ANKRD30B: variants seen among roughly 807,000 people sequenced by gnomAD.
The protein encoded by ANKRD30B is ankyrin repeat domain-containing protein 30B.
Under a neutral mutation model 202.2 loss-of-function variants are expected in ANKRD30B, and 144 were observed. That is an observed-to-expected ratio of 0.71 (90% CI 0.62 to 0.82). The LOEUF is 0.82. ANKRD30B is among the 40% of genes least tolerant of loss of function. The pLI is 0.00. For synonymous variants in ANKRD30B, 508 were observed against 561.3 expected, an observed-to-expected ratio of 0.91 and a Z score of 1.34; for missense variants, 1,487 against 1,669.1, an observed-to-expected ratio of 0.89 and a Z score of 1.90.
chr18:14,835,886 C>A (rs962290948), intron 34 of ANKRD30B, among the ~76,000 whole-genome samples: 2 of 151,828 alleles, frequency 1.3e-5, no homozygotes, highest in African/African-American at 4.8e-5. Context: ...GGTCATTTTG[C>A]AGAATCTTGT....
intron 7 of ANKRD30B, among the ~76,000 whole-genome samples, chr18:14,766,525 G>T (rs1450479332): frequency 9.7e-6 from 1 of 102,940 alleles, no homozygotes; most frequent in Non-Finnish European, 2.3e-5. Context: ...AAAGAAAATT[G>T]TCAGGTCAGC....
intron 35 of ANKRD30B, 54 bp downstream of exon 35, chr18:14,837,343 A>G (rs1384805214): frequency 1.4e-6 from 2 of 1,423,064 alleles, no homozygotes; most frequent in African/African-American, 1.4e-5. Context: ...AAATTAGTGA[A>G]TATCTCTGAA....
intron 16 of ANKRD30B, among the ~76,000 whole-genome samples, 197 bp downstream of exon 16, chr18:14,791,688 G>T (rs1176395594): frequency 6.6e-6 from 1 of 152,118 alleles, no homozygotes; most frequent in Non-Finnish European, 1.5e-5. Context: ...AAAAGGAACT[G>T]AATTATTAGT....
intron 22 of ANKRD30B, among the ~76,000 whole-genome samples, chr18:14,799,744 AGTGTGT>A (rs58820145): frequency 6.7e-6 from 1 of 150,328 alleles, no homozygotes; most frequent in African/African-American, 2.4e-5. Flanking sequence ...TAGGTGACTG[AGTGTGT>A]GTGTGTGTGT....
chr18:14,861,877 A>T, the ANKRD30B span, among the ~76,000 whole-genome samples: 12 of 152,228 alleles, frequency 7.9e-5, no homozygotes, highest in Non-Finnish European at 1.2e-4. Flanking sequence ...AATTGACCAC[A>T]TGCTCAGTCA....
At chr18:14,771,896 T>C (rs758859468) in intron 8 of ANKRD30B, among the ~76,000 whole-genome samples, 13 of 152,210 alleles carry the variant, frequency 8.5e-5, no homozygotes, top group Non-Finnish European at 1.6e-4. Context: ...CTATTTCTTA[T>C]GGAACTAAGA....
At position 14,852,098 on chromosome 18, in the gene ANKRD30B, GA is replaced by G. The variant is rs769789534; in HGVS notation, c.4155del (p.Asp1386ThrfsTer9). 3 of 1,608,830 alleles carry G rather than the reference GA, an allele frequency of 1.9e-6. No homozygotes were observed. The highest frequency in any genetic ancestry group is 8.5e-7 in the Non-Finnish European group (1 of 1,177,024). ...ENALVSEHAQ[R>X]DRCETQCQMK... ...GCATTGGTTTCAGAACATGCACAAA[GA>G]GACCGATGTGAAACACAGTGTCAAA... is the stretch of plus-strand genomic sequence containing the variant. On this transcript the variant is annotated frameshift_variant, in exon 42 of 44. Coordinates refer to ENST00000690538, the MANE Select transcript of ANKRD30B (RefSeq NM_001367607.2). LOFTEE classifies it high-confidence loss of function.
At chr18:14,859,135 G>A (rs1250674218), downstream of ANKRD30B, among the ~76,000 whole-genome samples, 16 of 131,774 alleles carry the variant, frequency 1.2e-4, no homozygotes, top group South Asian at 2.3e-3. Context: ...CCTCCCAGAC[G>A]GGGAGACCAG....
At position 14,772,232 on chromosome 18, in the gene ANKRD30B, A is replaced by C. The variant is rs1967048236; in HGVS notation, c.1329+4A>C. 6.7e-7 allele frequency: 1 copy of C among 1,486,652 alleles called. No individual in the cohort carries two copies. The highest frequency in any genetic ancestry group is 9.0e-7 in the Non-Finnish European group (1 of 1,108,494). 92.1% of individuals were successfully genotyped at this position (1,486,652 alleles called of 1,614,324 possible). On this transcript the variant is annotated splice_donor_region_variant and intron_variant, in intron 9 of 43. Transcript: ENST00000690538. ...AGACTTTAATCTTGCTACCAAGGTAAAATGTTCTTTTGTGAAGTTGATTTT... is the reference window on the plus strand; with the variant it reads ...AGACTTTAATCTTGCTACCAAGGTACAATGTTCTTTTGTGAAGTTGATTTT...
intron 28 of ANKRD30B, among the ~76,000 whole-genome samples, chr18:14,811,355 G>A (rs9676247): frequency 2.7e-4 from 40 of 150,900 alleles, no homozygotes; most frequent in Admixed American, 4.6e-4. Flanking sequence ...GGGAATCCAG[G>A]CGCCCACCAC....
chr18:14,908,444 C>CT, the ANKRD30B span, among the ~76,000 whole-genome samples: 1 of 152,150 alleles, frequency 6.6e-6, no homozygotes, highest in South Asian at 2.1e-4. Context: ...CTTTGGCTGC[C>CT]TGTAGAACAT....
intron 34 of ANKRD30B, among the ~76,000 whole-genome samples, chr18:14,836,526 C>T (rs1222691379): frequency 6.6e-6 from 1 of 152,096 alleles, no homozygotes; most frequent in East Asian, 1.9e-4. Context: ...TGAAGTACTC[C>T]TTTCTAGTTT....
At chr18:14,793,752 G>T (rs1278757380) in intron 16 of ANKRD30B, among the ~76,000 whole-genome samples, 1 of 151,830 alleles carries the variant, frequency 6.6e-6, no homozygotes, top group Non-Finnish European at 1.5e-5. Flanking sequence ...AAATTAGCCG[G>T]GCGTGGCGGT....
At chr18:14,883,319 GTC>G in the ANKRD30B span, among the ~76,000 whole-genome samples, 135,331 of 141,094 alleles carry the variant, frequency 0.96, 65,181 homozygotes, top group East Asian at 1. Context: ...GGGCCTAGGT[GTC>G]TCTCTCTCTC....
the ANKRD30B span, among the ~76,000 whole-genome samples, chr18:14,933,843 G>A: frequency 6.6e-6 from 1 of 152,186 alleles, no homozygotes; most frequent in Admixed American, 6.5e-5. Flanking sequence ...AACATAAAAT[G>A]AACTTGCCCT....
the ANKRD30B span, among the ~76,000 whole-genome samples, chr18:14,908,380 G>T: frequency 6.6e-6 from 1 of 152,124 alleles, no homozygotes; most frequent in South Asian, 2.1e-4. Flanking sequence ...CTTTCTGTCT[G>T]CAGGCCCTCT....
At chr18:14,929,140 C>G in the ANKRD30B span, among the ~76,000 whole-genome samples, 4 of 152,242 alleles carry the variant, frequency 2.6e-5, no homozygotes, top group African/African-American at 9.6e-5. Flanking sequence ...CTGCGTGGCT[C>G]TCACCCTTGT....
At chr18:14,836,482 C>T (rs1370001353) in intron 34 of ANKRD30B, among the ~76,000 whole-genome samples, 1 of 152,024 alleles carries the variant, frequency 6.6e-6, no homozygotes, top group East Asian at 1.9e-4. Flanking sequence ...TTTTCCATAT[C>T]TTATTACCAT....
the ANKRD30B span, among the ~76,000 whole-genome samples, chr18:14,932,158 T>C: frequency 1.3e-5 from 2 of 150,814 alleles, no homozygotes; most frequent in Admixed American, 6.6e-5. Flanking sequence ...TCCTTCTCTG[T>C]CGGCCCAGCC....
Sources: allele counts gnomAD v4.1 joint callset (sites outside exome capture counted in the v4.1 genomes callset), GRCh38; gene constraint gnomAD v4.1.1; transcripts MANE v1.5; gene names NCBI Gene and HGNC (gene_info 2026-07-23, HGNC 2026-07-21).